The following SLCO1B3 variants were observed in gnomAD, a reference collection of about 807,000 sequenced individuals.
The protein encoded by SLCO1B3 is solute carrier organic anion transporter family member 1B3.
In SLCO1B3, 72 loss-of-function variants were observed where a neutral mutation model predicts 71.8. The ratio of observed to expected loss-of-function variants is 1.00; its 90% CI spans 0.83 to 1.22. The LOEUF is 1.22. Among genes scored for constraint, SLCO1B3 ranks in the 50% most tolerant of loss-of-function variants. The probability of loss-of-function intolerance (pLI) is 0.00; values close to 1 mark genes in which losing one functional copy is unlikely to be tolerated. For synonymous variants in SLCO1B3, 298 were observed against 278.4 expected, an observed-to-expected ratio of 1.07 and a Z score of -0.70; for missense variants, 911 against 819.7, an observed-to-expected ratio of 1.11 and a Z score of -1.36.
At chr12:20,823,982 C>T (rs185184531) in intron 3 of SLCO1B3, among the ~76,000 whole-genome samples, 2 of 152,200 alleles carry the variant, frequency 1.3e-5, no homozygotes, top group East Asian at 1.9e-4. Context: ...TCTCGAATTA[C>T]GTCCTGTGAT....
chr12:20,864,069 A>G (rs754553005), intron 8 of SLCO1B3, among the ~76,000 whole-genome samples: 1 of 152,020 alleles, frequency 6.6e-6, no homozygotes, highest in Non-Finnish European at 1.5e-5. Context: ...TAATTCAATG[A>G]CTGACTGAAT....
intron 3 of SLCO1B3, among the ~76,000 whole-genome samples, chr12:20,826,239 T>TA (rs1864418318): frequency 6.6e-6 from 1 of 151,814 alleles, no homozygotes; most frequent in South Asian, 2.1e-4. Context: ...ACTTTTTTTT[T>TA]ATAATGTCAG....
chr12:20,834,915 A>T (rs1864643470), intron 3 of SLCO1B3, among the ~76,000 whole-genome samples: 1 of 152,096 alleles, frequency 6.6e-6, no homozygotes, highest in Admixed American at 6.5e-5. Flanking sequence ...TTCCCTTCTG[A>T]CTGCCATACT....
At chr12:20,817,682 G>A (rs1289806467) in intron 3 of SLCO1B3, among the ~76,000 whole-genome samples, 2 of 152,020 alleles carry the variant, frequency 1.3e-5, no homozygotes, top group Non-Finnish European at 2.9e-5. Flanking sequence ...CCACCTGCTG[G>A]GTTCATGCCA....
At chr12:20,847,741 C>A (rs900856768) in intron 3 of SLCO1B3, among the ~76,000 whole-genome samples, 5 of 151,390 alleles carry the variant, frequency 3.3e-5, no homozygotes, top group African/African-American at 1.2e-4. Context: ...AACCTAAGGA[C>A]CTGTCATATA....
chr12:20,810,830 G>T (rs893237116), intron 1 of SLCO1B3, 66 bp downstream of exon 1: 2 of 152,150 alleles, frequency 1.3e-5, no homozygotes, highest in African/African-American at 4.8e-5. Context: ...ACAAATTTCA[G>T]TGAAAATGTT....
At chr12:20,821,229 A>C (rs180868800) in intron 3 of SLCO1B3, among the ~76,000 whole-genome samples, 21 of 152,326 alleles carry the variant, frequency 1.4e-4, no homozygotes, top group Admixed American at 1.2e-3. Context: ...CAGGCACCTC[A>C]GACCATTTGC....
intron 15 of SLCO1B3, among the ~76,000 whole-genome samples, chr12:20,912,715 G>A (rs954512033): frequency 9.9e-5 from 15 of 151,512 alleles, no homozygotes; most frequent in African/African-American, 3.6e-4. Flanking sequence ...GTAGAGATGG[G>A]GTTTCACCAT....
chr12:20,838,990 C>A (rs1565584153), intron 3 of SLCO1B3, among the ~76,000 whole-genome samples: 1 of 151,720 alleles, frequency 6.6e-6, no homozygotes, highest in East Asian at 1.9e-4. Flanking sequence ...AGTAGTTGCC[C>A]TGGTGCTTGT....
chr12:20,855,105 A>T lies in SLCO1B3; in HGVS notation c.162A>T (p.Gln54His). 1.9e-6 allele frequency: 3 copies of T among 1,612,118 alleles called. No individual in the cohort carries two copies. The highest frequency in any genetic ancestry group is 2.5e-6 in the Non-Finnish European group (3 of 1,179,098). ...GGIIMKISIT[Q>H]IERRFDISSS... ...TCATTATGAAAATTTCCATCACTCA[A>T]ATAGAAAGGAGATTTGACATATCCT... The change falls in exon 4 of 16, where the codon CAA (glutamine) becomes CAT (histidine). Residue 54 changes from glutamine to histidine, a missense_variant. Transcript: ENST00000381545.
chr12:20,879,334 AT>A, intron 10 of SLCO1B3, 101 bp from the exon 11 acceptor site: 1 of 821,472 alleles, frequency 1.2e-6, no homozygotes, highest in Non-Finnish European at 1.8e-6. Context: ...AGAAATAAGA[AT>A]GGGTGAATTT....
chr12:20,910,619 T>G lies in SLCO1B3; in HGVS notation c.1866-5385T>G, dbSNP rs137884278. On this transcript the variant is annotated intron_variant, in intron 15 of 15. Transcript: ENST00000381545. ...GAATATCACTTCATATTTTAGTGCTTCTTTGATTTCTTTCATCAGAGTTGT... is the reference window on the plus strand; with the variant it reads ...GAATATCACTTCATATTTTAGTGCTGCTTTGATTTCTTTCATCAGAGTTGT... Among the ~76,000 whole-genome samples the G allele has an allele frequency of 1.8e-3, 277 of 152,300 alleles. 1 individual carries two copies. Among genetic ancestry groups the G allele is most frequent in the Non-Finnish European group, 3.1e-3 (211 of 67,994 alleles).
At chr12:20,908,205 A>G (rs1461267074) in intron 15 of SLCO1B3, among the ~76,000 whole-genome samples, 1 of 152,210 alleles carries the variant, frequency 6.6e-6, no homozygotes, top group Non-Finnish European at 1.5e-5. Flanking sequence ...TTACCTTATG[A>G]TTTTTAATAG....
At chr12:20,870,033 G>A (rs1291625947) in intron 8 of SLCO1B3, among the ~76,000 whole-genome samples, 2 of 152,054 alleles carry the variant, frequency 1.3e-5, no homozygotes, top group East Asian at 3.9e-4. Context: ...CATCCTAATG[G>A]GTGTATGGTG....
rs531627403 is a variant in SLCO1B3 at position 20,909,465 on chromosome 12, A to G, written c.1866-6539A>G. Among the ~76,000 whole-genome samples, 211 of 150,528 alleles carry G rather than the reference A, an allele frequency of 1.4e-3. 1 individual carries two copies. The highest frequency in any genetic ancestry group is 4.5e-3 in the African/African-American group (186 of 40,974). The stretch of plus-strand genomic sequence containing the variant: ...TGGGATTACAGGTGTGAGCCACCAC[A>G]CCCGGTCATGAAGCATCTTCTTATA... On this transcript the variant is annotated intron_variant, in intron 15 of 15. Transcript: ENST00000381545.
chr12:20,847,475 G>A (rs1864941649), intron 3 of SLCO1B3, among the ~76,000 whole-genome samples: 1 of 151,952 alleles, frequency 6.6e-6, no homozygotes, highest in African/African-American at 2.4e-5. Flanking sequence ...CCTAAAAGAG[G>A]GCCTTCACCA....
chr12:20,906,154 C>A (rs1866241355), intron 15 of SLCO1B3, among the ~76,000 whole-genome samples: 1 of 152,090 alleles, frequency 6.6e-6, no homozygotes, highest in Non-Finnish European at 1.5e-5. Flanking sequence ...GAAATCCAAA[C>A]TATATCAATC....
intron 3 of SLCO1B3, among the ~76,000 whole-genome samples, chr12:20,851,094 A>G (rs1865019402): frequency 6.6e-6 from 1 of 152,080 alleles, no homozygotes; most frequent in Non-Finnish European, 1.5e-5. Flanking sequence ...AGTTGCTTCT[A>G]CCTCTTGGCT....
At position 20,815,486 on chromosome 12, in the gene SLCO1B3, G is replaced by C. The variant is rs143303643; in HGVS notation, c.-65-188G>C. Among the ~76,000 whole-genome samples, 604 of 151,804 alleles carry C rather than the reference G, an allele frequency of 4.0e-3. 4 individuals are homozygous for C. Among genetic ancestry groups the C allele is most frequent in the African/African-American group, 0.013 (551 of 41,342 alleles). On this transcript the variant is annotated intron_variant, in intron 2 of 15. Coordinates refer to ENST00000381545, the MANE Select transcript of SLCO1B3 (RefSeq NM_019844.4). ...TCTAAGCAAATTATAATCTCTTTAG[G>C]CTAGGAGTTTGTCTCTGTCTTTCCT...
Sources: gnomAD v4.1 joint callset for allele counts (sites outside exome capture counted in the v4.1 genomes callset) on GRCh38, gnomAD v4.1.1 for gene constraint, MANE v1.5 for transcripts, NCBI Gene and HGNC (gene_info 2026-07-23, HGNC 2026-07-21) for gene names.